The following MOB1B variants were observed in gnomAD, a reference collection of about 807,000 sequenced individuals.
The protein encoded by MOB1B is MOB1 Mps One Binder homolog B.
In MOB1B, 19 loss-of-function variants were observed where a neutral mutation model predicts 24.4. The observed-to-expected ratio is 0.78, with a 90% CI of 0.54 to 1.14. The LOEUF is 1.14. Among genes scored for constraint, MOB1B ranks in the 50% most tolerant of loss-of-function variants. The probability of loss-of-function intolerance (pLI) is 0.00; values close to 1 mark genes in which losing one functional copy is unlikely to be tolerated. For synonymous variants in MOB1B, 76 were observed against 82.1 expected (o/e 0.93, Z 0.40); for missense variants, 243 against 259.6 (o/e 0.94, Z 0.44).
chr4:70,975,470 A>G, intron 4 of MOB1B, 184 bp downstream of exon 4: 1 of 1,327,306 alleles, frequency 7.5e-7, no homozygotes, highest in Non-Finnish European at 9.6e-7. Context: ...AAAATAAGCA[A>G]GTGATCCTGT....
intron 2 of MOB1B, among the ~76,000 whole-genome samples, chr4:70,963,752 G>A (rs1738395430): frequency 6.6e-6 from 1 of 152,064 alleles, no homozygotes; most frequent in African/African-American, 2.4e-5. Context: ...CCCAGAAGGT[G>A]GATGCTGCAG....
chr4:70,953,734 A>G (rs1034815989), intron 1 of MOB1B, among the ~76,000 whole-genome samples: 9 of 152,202 alleles, frequency 5.9e-5, no homozygotes, highest in African/African-American at 1.9e-4. Flanking sequence ...ACTTGAGTTC[A>G]GGAGTTCGAG....
chr4:70,920,090 C>T (rs1379833705), intron 1 of MOB1B, among the ~76,000 whole-genome samples: 1 of 152,166 alleles, frequency 6.6e-6, no homozygotes, highest in Non-Finnish European at 1.5e-5. Context: ...ATTTTGAAGA[C>T]ATATTTTACC....
intron 1 of MOB1B, among the ~76,000 whole-genome samples, chr4:70,908,301 T>C (rs572747520): frequency 1.3e-5 from 2 of 150,226 alleles, no homozygotes; most frequent in South Asian, 2.1e-4. Context: ...GTGCTGGGAT[T>C]ACAGGCATGA....
At chr4:70,957,311 C>CTTT (rs1560654938) in intron 1 of MOB1B, among the ~76,000 whole-genome samples, 1 of 149,140 alleles carries the variant, frequency 6.7e-6, no homozygotes, top group Non-Finnish European at 1.5e-5. Context: ...TCTCCAGCCT[C>CTTT]TTTTTTTCCA....
At chr4:70,932,832 A>G (rs1736933901) in intron 1 of MOB1B, among the ~76,000 whole-genome samples, 1 of 152,210 alleles carries the variant, frequency 6.6e-6, no homozygotes, top group African/African-American at 2.4e-5. Flanking sequence ...AGCACTAAGG[A>G]TGATAGCAGT....
At chr4:70,940,954 T>A (rs1188851077) in intron 1 of MOB1B, among the ~76,000 whole-genome samples, 1 of 152,208 alleles carries the variant, frequency 6.6e-6, no homozygotes, top group Non-Finnish European at 1.5e-5. Flanking sequence ...ATTACAGGCG[T>A]GAGCCACCAC....
chr4:70,947,556 G>A (rs1737639710), intron 1 of MOB1B, among the ~76,000 whole-genome samples: 1 of 152,106 alleles, frequency 6.6e-6, no homozygotes, highest in Non-Finnish European at 1.5e-5. Context: ...TATGTGATCG[G>A]CAAAGATTTG....
chr4:70,973,294 G>A (rs1179315738), intron 3 of MOB1B, among the ~76,000 whole-genome samples: 1 of 151,760 alleles, frequency 6.6e-6, no homozygotes, highest in Non-Finnish European at 1.5e-5. Flanking sequence ...AGTAAACATG[G>A]TTGTGCCCGT....
chr4:70,975,486 T>C, intron 4 of MOB1B, 200 bp downstream of exon 4: 2 of 1,280,920 alleles, frequency 1.6e-6, no homozygotes, highest in South Asian at 2.6e-5. Flanking sequence ...CCTGTGTGAA[T>C]TGAGCTTTTC....
intron 2 of MOB1B, among the ~76,000 whole-genome samples, chr4:70,961,211 T>C (rs990258362): frequency 2.0e-5 from 3 of 152,232 alleles, no homozygotes; most frequent in East Asian, 3.8e-4. Context: ...GTAAAAGTTA[T>C]GTGAATATAG....
At chr4:70,967,734 AT>A (rs1260539797) in intron 2 of MOB1B, among the ~76,000 whole-genome samples, 5 of 152,204 alleles carry the variant, frequency 3.3e-5, no homozygotes, top group East Asian at 1.9e-4. Flanking sequence ...AGGAAAAAAA[AT>A]ATTAGCATCA....
chr4:70,957,689 T>G (rs1473487210), intron 1 of MOB1B, among the ~76,000 whole-genome samples: 5 of 151,768 alleles, frequency 3.3e-5, no homozygotes, highest in Non-Finnish European at 5.9e-5. Flanking sequence ...GCAATCCTCC[T>G]GCCTCTGGCC....
At chr4:70,934,268 T>A (rs1736996009) in intron 1 of MOB1B, among the ~76,000 whole-genome samples, 1 of 151,326 alleles carries the variant, frequency 6.6e-6, no homozygotes, top group African/African-American at 2.4e-5. Flanking sequence ...GTATTTTTAG[T>A]AGAGATGGGG....
chr4:70,963,586 A>G (rs1034478518), intron 2 of MOB1B, among the ~76,000 whole-genome samples: 1 of 150,548 alleles, frequency 6.6e-6, no homozygotes, highest in African/African-American at 2.4e-5. Flanking sequence ...TTGGGAGGCC[A>G]TGGTGGGAGG....
At chr4:70,911,344 T>G (rs1735980264) in intron 1 of MOB1B, among the ~76,000 whole-genome samples, 1 of 151,706 alleles carries the variant, frequency 6.6e-6, no homozygotes, top group Non-Finnish European at 1.5e-5. Context: ...TTTTTCTTTT[T>G]GTTATTAAAT....
At chr4:70,947,427 G>T (rs1443888315) in intron 1 of MOB1B, among the ~76,000 whole-genome samples, 11 of 151,746 alleles carry the variant, frequency 7.2e-5, no homozygotes, top group Admixed American at 7.2e-4. Flanking sequence ...CACATCCCTG[G>T]CTAGTTGGCT....
chr4:70,920,687 A>G (rs1031034974), intron 1 of MOB1B, among the ~76,000 whole-genome samples: 1 of 152,172 alleles, frequency 6.6e-6, no homozygotes, highest in Non-Finnish European at 1.5e-5. Flanking sequence ...TCTCTCTCTG[A>G]GTGATCCTAG....
chr4:70,927,722 T>C (rs1181935076), intron 1 of MOB1B, among the ~76,000 whole-genome samples: 2 of 152,150 alleles, frequency 1.3e-5, no homozygotes, highest in African/African-American at 4.8e-5. Flanking sequence ...TGTTCCACTT[T>C]AGCATCTTGG....
Sources: allele counts gnomAD v4.1 joint callset (sites outside exome capture counted in the v4.1 genomes callset), GRCh38; gene constraint gnomAD v4.1.1; transcripts MANE v1.5; gene names NCBI Gene and HGNC (gene_info 2026-07-23, HGNC 2026-07-21).